Variants in ZNF783 observed in about 807,000 individuals in gnomAD.
ZNF783 encodes protein ZNF783.
A neutral mutation model predicts 31.3 loss-of-function variants in ZNF783; 25 were observed. The ratio of observed to expected loss-of-function variants is 0.80; its 90% confidence interval spans 0.58 to 1.11. The LOEUF (loss-of-function observed/expected upper bound fraction) is 1.11, where lower values mean the gene tolerates loss of function less well. Ranked by LOEUF, ZNF783 falls within the 50% of genes most tolerant of loss-of-function variation. The pLI, the probability that ZNF783 is intolerant of heterozygous loss-of-function variation, is 0.00. For synonymous variants in ZNF783, 369 were observed against 319.1 expected, an observed-to-expected ratio of 1.16 and a Z score of -1.66; for missense variants, 797 against 760.0, an observed-to-expected ratio of 1.05 and a Z score of -0.57.
In ZNF783 at chr7:149,266,321, C is replaced by G; in HGVS notation, c.25-14C>G. ...AATTCTCATAACATCTCTCTTTTCTCTTCTTGTGAGCAGGACCCCGAGACA... is the reference window on the plus strand; with the variant it reads ...AATTCTCATAACATCTCTCTTTTCTGTTCTTGTGAGCAGGACCCCGAGACA... On this transcript the variant is annotated splice_polypyrimidine_tract_variant and intron_variant, in intron 1 of 5. Transcript: ENST00000434415. The G allele has an allele frequency of 5.2e-6, 8 of 1,537,928 alleles. No homozygotes were observed. Among genetic ancestry groups the G allele is most frequent in the Non-Finnish European group, 5.2e-6 (6 of 1,152,432 alleles).
rs1363555542 is a variant in ZNF783 at position 149,281,821 on chromosome 7, G to A, written c.1119G>A (p.Glu373=). 4 of 1,511,002 alleles carry A rather than the reference G, an allele frequency of 2.6e-6. No homozygotes were observed. Among genetic ancestry groups the A allele is most frequent in the Middle Eastern group, 3.5e-4 (2 of 5,738 alleles). 93.6% of individuals were successfully genotyped at this position (1,511,002 alleles called of 1,614,324 possible). The change falls in exon 6 of 6, where the codon GAG becomes GAA. Residue 373 remains glutamate (E), a synonymous_variant. Coordinates refer to ENST00000434415, the MANE Select transcript of ZNF783 (RefSeq NM_001195220.2). ...NLTIHQRTHV[E]EGRQEAPGRS... Reference sequence around the variant, plus strand: ...CGATTCATCAGCGGACCCATGTGGAGGAGGGGCGGCAGGAGGCCCCCGGCC... The same window carrying A: ...CGATTCATCAGCGGACCCATGTGGAAGAGGGGCGGCAGGAGGCCCCCGGCC...
At chr7:149,278,084 A>C in intron 4 of ZNF783, 2 of 1,024,524 alleles carry the variant, frequency 2.0e-6, no homozygotes, top group Non-Finnish European at 2.4e-6. Flanking sequence ...TGACCACCCC[A>C]CTGGCTGGTG....
At chr7:149,270,912 GT>G (rs1797194159) in intron 4 of ZNF783, among the ~76,000 whole-genome samples, 2 of 152,194 alleles carry the variant, frequency 1.3e-5, no homozygotes, top group Admixed American at 6.5e-5. Context: ...GAAATCATGA[GT>G]TTATACATTG....
intron 1 of ZNF783, 143 bp downstream of exon 1, chr7:149,262,500 C>G: frequency 2.7e-6 from 2 of 744,350 alleles, no homozygotes; most frequent in Non-Finnish European, 3.5e-6. Context: ...GGCCCATCGC[C>G]CAGCCCGCGT....
At chr7:149,267,272 AC>A (rs1227844934) in intron 4 of ZNF783, 50 bp downstream of exon 4, 1 of 1,537,228 alleles carries the variant, frequency 6.5e-7, no homozygotes, top group African/African-American at 1.4e-5. Context: ...GGCTAGCTGC[AC>A]CATCGCCTAC....
In ZNF783 at chr7:149,282,277, C is replaced by T; in HGVS notation, c.1575C>T (p.Phe525=). ...THARGQVGPH[F]PAAPARHGSL... ...CCCGAGGCCAGGTGGGCCCACACTT[C>T]CCTGCCGCCCCCGCCCGCCACGGGA... The change falls in exon 6 of 6, where the codon TTC becomes TTT. Residue 525 remains phenylalanine, a synonymous_variant. Coordinates refer to ENST00000434415, the MANE Select transcript of ZNF783 (RefSeq NM_001195220.2). The T allele has an allele frequency of 2.5e-6, 4 of 1,573,924 alleles. No homozygotes were observed. In the South Asian group the frequency reaches 3.4e-5, roughly 13 times the overall value.
chr7:149,282,357 C>G lies in ZNF783; in HGVS notation c.*14C>G, dbSNP rs1385080072. On this transcript the variant is annotated 3_prime_UTR_variant, in exon 6 of 6. Coordinates refer to ENST00000434415, the MANE Select transcript of ZNF783 (RefSeq NM_001195220.2). ...GAGGAGGGCTGACCTGGCAGGAGCC[C>G]ACAGAGGACCCCTGGCGGGGTCTCT... 4 of 1,475,410 alleles carry G rather than the reference C, an allele frequency of 2.7e-6. No homozygotes were observed. The highest frequency in any genetic ancestry group is 1.9e-4 in the Middle Eastern group (1 of 5,342). The allele number at this position is 1,475,410 out of a possible 1,614,324, so 91.4% of individuals were successfully genotyped here. A position where few individuals can be genotyped will look rare whatever the true frequency, so the allele number is the denominator to read the frequency against.
chr7:149,271,269 T>A (rs1797204829), intron 4 of ZNF783, among the ~76,000 whole-genome samples: 3 of 152,248 alleles, frequency 2.0e-5, no homozygotes, highest in Non-Finnish European at 4.4e-5. Context: ...TTTATCACTT[T>A]CCTTTTAGGT....
intron 4 of ZNF783, among the ~76,000 whole-genome samples, chr7:149,275,311 T>A (rs1367512486): frequency 6.7e-6 from 1 of 150,158 alleles, no homozygotes; most frequent in Non-Finnish European, 1.5e-5. Context: ...CTTTAGGTTT[T>A]TCTTTCTTTT....
intron 5 of ZNF783, among the ~76,000 whole-genome samples, chr7:149,279,722 A>T (rs1208057367): frequency 1.4e-5 from 2 of 143,764 alleles, no homozygotes; most frequent in Non-Finnish European, 3.0e-5. Context: ...GGGTCATAGG[A>T]CAATAGTGGA....
rs1303583913 is a variant in ZNF783 at position 149,266,727 on chromosome 7, C to CA, written c.419dup (p.Val141GlyfsTer7). 3 of 1,613,616 alleles carry CA rather than the reference C, an allele frequency of 1.9e-6. No individual in the cohort carries two copies. In the African/African-American group the frequency reaches 4.0e-5, roughly 22 times the overall value. On this transcript the variant is annotated frameshift_variant, in exon 2 of 6. Coordinates refer to ENST00000434415, the MANE Select transcript of ZNF783 (RefSeq NM_001195220.2). LOFTEE classifies it high-confidence loss of function. ...CCCCGGGCAGCAAGGGGGAGGCCCC[C>CA]AAGGTAGCACCGGGACACCCTGGGG...
At chr7:149,268,687 T>C (rs1172821656) in intron 4 of ZNF783, among the ~76,000 whole-genome samples, 3 of 152,240 alleles carry the variant, frequency 2.0e-5, no homozygotes, top group East Asian at 1.9e-4. Flanking sequence ...CAGTTATAAG[T>C]GAGAACATGC....
intron 4 of ZNF783, among the ~76,000 whole-genome samples, chr7:149,272,134 C>T (rs898341353): frequency 2.0e-5 from 3 of 152,148 alleles, no homozygotes; most frequent in African/African-American, 7.2e-5. Context: ...TCTGGAGCCC[C>T]AGCCTCTGGA....
intron 4 of ZNF783, among the ~76,000 whole-genome samples, chr7:149,268,695 T>TG (rs1223627353): frequency 6.6e-6 from 1 of 152,244 alleles, no homozygotes. Context: ...AGTGAGAACA[T>TG]GCAATATTTG....
At chr7:149,281,368 C>A in intron 5 of ZNF783, 137 bp from the exon 6 acceptor site, 1 of 623,568 alleles carries the variant, frequency 1.6e-6, no homozygotes, top group Non-Finnish European at 2.4e-6. Flanking sequence ...GCTCAGTGAG[C>A]AGGACCCCTG....
chr7:149,279,505 C>T (rs568854180), intron 5 of ZNF783, among the ~76,000 whole-genome samples: 10 of 152,322 alleles, frequency 6.6e-5, no homozygotes, highest in East Asian at 3.9e-4. Context: ...GACTTGCGCA[C>T]GTCCAGGGCT....
At position 149,282,026 on chromosome 7, in the gene ZNF783, C is replaced by G. The variant is rs758343751; in HGVS notation, c.1324C>G (p.Leu442Val). 6.3e-7 allele frequency: 1 copy of G among 1,587,806 alleles called. No individual in the cohort carries two copies. The highest frequency in any genetic ancestry group is 8.5e-7 in the Non-Finnish European group (1 of 1,175,120). ...ASKMYHCSEC[L>V]RFFQQRKSLL... ...CAAGATGTACCACTGCAGCGAGTGC[C>G]TGCGCTTCTTCCAGCAGCGCAAGAG... Residue 442 changes from leucine to valine, a missense_variant, in exon 6 of 6, where the codon CTG becomes GTG. By Grantham distance (32) the Leu-to-Val change is conservative (BLOSUM62 1). Coordinates refer to ENST00000434415, the MANE Select transcript of ZNF783 (RefSeq NM_001195220.2).
intron 4 of ZNF783, among the ~76,000 whole-genome samples, chr7:149,271,207 G>A (rs773778305): frequency 1.3e-5 from 2 of 152,150 alleles, no homozygotes; most frequent in Non-Finnish European, 2.9e-5. Context: ...CAAAGTGCTG[G>A]GATTACAGGC....
intron 4 of ZNF783, chr7:149,278,166 C>T (rs1797376813): frequency 7.7e-7 from 1 of 1,305,872 alleles, no homozygotes; most frequent in Non-Finnish European, 9.8e-7. Flanking sequence ...GCGATCATTA[C>T]CGTGATTTCC....
Sources: allele counts gnomAD v4.1 joint callset (sites outside exome capture counted in the v4.1 genomes callset), GRCh38; gene constraint gnomAD v4.1.1; transcripts MANE v1.5; gene names NCBI Gene and HGNC (gene_info 2026-07-23, HGNC 2026-07-21).